The following MGAT4C variants were observed in gnomAD, a reference collection of about 807,000 sequenced individuals.
MGAT4C encodes the protein MGAT4 family member C, also known as alpha-1,3-mannosyl-glycoprotein 4-beta-N-acetylglucosaminyltransferase C.
In MGAT4C, 19 loss-of-function variants were observed where a neutral mutation model predicts 40.1. That is an observed-to-expected ratio of 0.47 (90% confidence interval 0.33 to 0.70). The LOEUF (loss-of-function observed/expected upper bound fraction) is 0.70, where lower values mean the gene tolerates loss of function less well. Ranked by LOEUF, MGAT4C falls within the 30% of genes least tolerant of loss-of-function variation. The pLI is 0.02. For synonymous variants in MGAT4C, 181 were observed against 187.1 expected, an observed-to-expected ratio of 0.97 and a Z score of 0.27; for missense variants, 491 against 563.2, an observed-to-expected ratio of 0.87 and a Z score of 1.30.
chr12:86,099,506 G>C (rs952710201), intron 1 of MGAT4C, among the ~76,000 whole-genome samples: 1 of 151,186 alleles, frequency 6.6e-6, no homozygotes, highest in Non-Finnish European at 1.5e-5. Flanking sequence ...AAATTTACAA[G>C]AAAGAAACAA....
intron 1 of MGAT4C, among the ~76,000 whole-genome samples, chr12:86,798,135 C>T (rs1400407067): frequency 6.6e-6 from 1 of 151,872 alleles, no homozygotes; most frequent in African/African-American, 2.4e-5. Context: ...GATTAACTGA[C>T]CAGATCCTTT....
intron 3 of MGAT4C, among the ~76,000 whole-genome samples, chr12:86,388,350 T>G (rs537108033): frequency 6.6e-6 from 1 of 152,178 alleles, no homozygotes; most frequent in African/African-American, 2.4e-5. Context: ...TGCATTATAA[T>G]TTCCAAGATG....
intron 1 of MGAT4C, among the ~76,000 whole-genome samples, chr12:86,102,873 T>G (rs1043099746): frequency 1.3e-5 from 2 of 152,158 alleles, no homozygotes; most frequent in African/African-American, 4.8e-5. Context: ...TTAAATTTAA[T>G]AATTCTTATT....
At position 86,327,192 on chromosome 12, in the gene MGAT4C, A is replaced by G. The variant is rs760493183; in HGVS notation, c.-57+6873T>C. ...TGTTTCCCAGGAACTGCCCTCATTT[A>G]TCTCCCAGCACTATATTATAGTCCT... is the stretch of plus-strand genomic sequence containing the variant. On this transcript the variant is annotated intron_variant, in intron 4 of 7. Transcript: ENST00000548651. Among the ~76,000 whole-genome samples the G allele has an allele frequency of 3.1e-4, 47 of 152,248 alleles. 1 individual carries two copies. The highest frequency in any genetic ancestry group is 6.8e-3 in the Middle Eastern group (2 of 294).
intron 1 of MGAT4C, among the ~76,000 whole-genome samples, chr12:86,759,882 T>C (rs933230903): frequency 1.3e-5 from 2 of 152,160 alleles, no homozygotes; most frequent in African/African-American, 4.8e-5. Context: ...TTTTAAAATG[T>C]TTCAGTTTTA....
intron 3 of MGAT4C, among the ~76,000 whole-genome samples, chr12:86,383,025 G>A (rs963411770): frequency 1.3e-5 from 2 of 152,180 alleles, no homozygotes; most frequent in African/African-American, 4.8e-5. Context: ...GCTGTGAGAA[G>A]AGGACCACCA....
At chr12:86,478,656 C>A (rs1957882356) in intron 2 of MGAT4C, among the ~76,000 whole-genome samples, 1 of 152,024 alleles carries the variant, frequency 6.6e-6, no homozygotes, top group Non-Finnish European at 1.5e-5. Flanking sequence ...AATTCAAATT[C>A]CCTGATTAAC....
At chr12:86,045,700 A>G (rs555596983) in intron 2 of MGAT4C, among the ~76,000 whole-genome samples, 2 of 152,266 alleles carry the variant, frequency 1.3e-5, no homozygotes, top group South Asian at 2.1e-4. Context: ...ATATTTGTCT[A>G]TGTGTAAGGA....
At chr12:86,649,284 C>A (rs564939613) in intron 2 of MGAT4C, among the ~76,000 whole-genome samples, 13 of 151,756 alleles carry the variant, frequency 8.6e-5, no homozygotes, top group African/African-American at 3.1e-4. Context: ...TTGAAATGAT[C>A]TATATACAGG....
intron 2 of MGAT4C, among the ~76,000 whole-genome samples, chr12:86,574,671 C>T (rs1451823123): frequency 6.6e-6 from 1 of 151,666 alleles, no homozygotes; most frequent in Non-Finnish European, 1.5e-5. Flanking sequence ...ATGTATGCTG[C>T]TTACTTGATT....
intron 2 of MGAT4C, among the ~76,000 whole-genome samples, chr12:86,655,358 G>C (rs562619614): frequency 1.2e-4 from 19 of 152,046 alleles, no homozygotes; most frequent in African/African-American, 4.6e-4. Flanking sequence ...TGAATAATGT[G>C]TGTTTCACTG....
At chr12:86,021,011 A>G (rs1174223322) in intron 2 of MGAT4C, among the ~76,000 whole-genome samples, 1 of 152,228 alleles carries the variant, frequency 6.6e-6, no homozygotes, top group African/African-American at 2.4e-5. Context: ...TGGCCATGAG[A>G]GAAATGCAAA....
intron 2 of MGAT4C, among the ~76,000 whole-genome samples, chr12:86,042,998 A>G (rs1354962760): frequency 2.6e-5 from 4 of 151,940 alleles, no homozygotes; most frequent in African/African-American, 9.7e-5. Context: ...CTCCAGCTGC[A>G]TTTAACCTTT....
chr12:86,358,329 A>T (rs1280191854), intron 3 of MGAT4C, among the ~76,000 whole-genome samples: 3 of 152,202 alleles, frequency 2.0e-5, no homozygotes, highest in African/African-American at 7.2e-5. Flanking sequence ...TGAAGGAAGC[A>T]CTAAACATGG....
At chr12:86,339,725 C>T (rs1032618384) in intron 3 of MGAT4C, among the ~76,000 whole-genome samples, 1 of 152,232 alleles carries the variant, frequency 6.6e-6, no homozygotes, top group East Asian at 1.9e-4. Context: ...TATATACACA[C>T]ACACCTACAC....
chr12:86,243,462 T>C (rs955332457), intron 1 of MGAT4C, among the ~76,000 whole-genome samples: 2 of 152,162 alleles, frequency 1.3e-5, no homozygotes, highest in Non-Finnish European at 2.9e-5. Flanking sequence ...TTACAGCCAA[T>C]AGAATAAGGC....
At chr12:86,573,809 C>T (rs1037068470) in intron 2 of MGAT4C, among the ~76,000 whole-genome samples, 1 of 151,936 alleles carries the variant, frequency 6.6e-6, no homozygotes, top group Non-Finnish European at 1.5e-5. Context: ...ACATAATTTT[C>T]TCTCAGAATA....
intron 2 of MGAT4C, among the ~76,000 whole-genome samples, chr12:86,505,746 C>T (rs1438322880): frequency 2.0e-5 from 3 of 152,108 alleles, no homozygotes; most frequent in African/African-American, 7.2e-5. Context: ...TTGGATTATG[C>T]AAGATAGAAA....
chr12:86,433,298 A>G (rs984874605), intron 3 of MGAT4C, among the ~76,000 whole-genome samples: 1 of 151,184 alleles, frequency 6.6e-6, no homozygotes, highest in African/African-American at 2.4e-5. Flanking sequence ...ATATACATAT[A>G]TATGTATGTG....
Sources: allele counts gnomAD v4.1 joint callset (sites outside exome capture counted in the v4.1 genomes callset), GRCh38; gene constraint gnomAD v4.1.1; transcripts MANE v1.5; gene names NCBI Gene and HGNC (gene_info 2026-07-23, HGNC 2026-07-21).